CEP85L: variants seen among roughly 807,000 people sequenced by gnomAD.
The protein encoded by CEP85L is centrosomal protein of 85 kDa-like.
CEP85L carries 60 observed loss-of-function variants against 100.3 expected under a neutral mutation model. That is an observed-to-expected ratio of 0.60 (90% CI 0.49 to 0.74). The LOEUF (loss-of-function observed/expected upper bound fraction) is 0.74. CEP85L is among the 30% of genes least tolerant of loss of function. The pLI is 0.00. For synonymous variants in CEP85L, 319 were observed against 322.7 expected, an observed-to-expected ratio of 0.99 and a Z score of 0.12; for missense variants, 973 against 936.2, an observed-to-expected ratio of 1.04 and a Z score of -0.51.
intron 2 of CEP85L, among the ~76,000 whole-genome samples, chr6:118,629,172 T>C (rs144224033): frequency 6.6e-6 from 1 of 152,076 alleles, no homozygotes; most frequent in African/African-American, 2.4e-5. Context: ...TATATGTAAA[T>C]ACTACACTAT....
intron 2 of CEP85L, among the ~76,000 whole-genome samples, chr6:118,596,238 T>TAA (rs1781453175): frequency 6.6e-6 from 1 of 152,142 alleles, no homozygotes; most frequent in Admixed American, 6.5e-5. Flanking sequence ...GGATATGACA[T>TAA]AATCTGATAT....
At chr6:118,695,935 AT>A (rs1174127897) in intron 1 of CEP85L, among the ~76,000 whole-genome samples, 9 of 152,332 alleles carry the variant, frequency 5.9e-5, no homozygotes, top group African/African-American at 2.2e-4. Context: ...TGTAAGAGGT[AT>A]TTAGTATATA....
intron 1 of CEP85L, among the ~76,000 whole-genome samples, chr6:118,688,453 A>C (rs1057489091): frequency 1.3e-5 from 2 of 152,220 alleles, no homozygotes; most frequent in Non-Finnish European, 1.5e-5. Context: ...AATTTGTTAA[A>C]TTAATGCAGA....
chr6:118,493,569 C>G (rs1372193883), intron 5 of CEP85L, among the ~76,000 whole-genome samples: 1 of 151,900 alleles, frequency 6.6e-6, no homozygotes, highest in Non-Finnish European at 1.5e-5. Context: ...AAACAAGGAG[C>G]TGATATAGAG....
chr6:118,651,728 C>G (rs1307970829), upstream of CEP85L: 2 of 984,838 alleles, frequency 2.0e-6, no homozygotes, highest in African/African-American at 3.5e-5. Context: ...GGCGGGTGAG[C>G]TACCCCGACC....
At chr6:118,551,243 G>T (rs1445437264) in intron 3 of CEP85L, among the ~76,000 whole-genome samples, 1 of 151,694 alleles carries the variant, frequency 6.6e-6, no homozygotes. Context: ...ATGAAGCCTG[G>T]ATGTACAGCA....
In CEP85L at chr6:118,566,222, A is replaced by G; in HGVS notation, c.327T>C (p.Ala109=). The change falls in exon 3 of 13, where the codon GCT becomes GCC. Residue 109 remains alanine, a synonymous_variant. Transcript: ENST00000368491. ...ATGATTCCCTAAGTTTGGAAATTGAAGCGCTGGAATTAGACGGCATCACAT... is the reference window on the plus strand; with the variant it reads ...ATGATTCCCTAAGTTTGGAAATTGAGGCGCTGGAATTAGACGGCATCACAT... ...TAHVMPSNSS[A]SISKLRESLT... The G allele has an allele frequency of 1.9e-6, 3 of 1,614,182 alleles. No homozygotes were observed. Among genetic ancestry groups the G allele is most frequent in the Non-Finnish European group, 2.5e-6 (3 of 1,179,998 alleles).
At position 118,613,898 on chromosome 6, in the gene CEP85L, T is replaced by C. The variant is rs377271290; in HGVS notation, c.232+18555A>G. ...TCCCCATTCATTTATAAAGGTATTA[T>C]AGTATTAACCCTGATATCCAGAGAG... On this transcript the variant is annotated intron_variant, in intron 2 of 12. Transcript: ENST00000368491. Among the ~76,000 whole-genome samples the C allele has an allele frequency of 9.9e-5, 15 of 152,178 alleles. No homozygotes were observed. In the East Asian group the frequency reaches 2.3e-3, roughly 23 times the overall value.
At chr6:118,599,777 G>A (rs528368635) in intron 2 of CEP85L, among the ~76,000 whole-genome samples, 1 of 152,202 alleles carries the variant, frequency 6.6e-6, no homozygotes, top group South Asian at 2.1e-4. Flanking sequence ...TAGTATTCTT[G>A]CCAAAAACTT....
intron 2 of CEP85L, among the ~76,000 whole-genome samples, chr6:118,603,414 C>A (rs1052106245): frequency 6.6e-6 from 1 of 152,160 alleles, no homozygotes; most frequent in Non-Finnish European, 1.5e-5. Context: ...AACCAATTTA[C>A]CCAATTGTGT....
intron 1 of CEP85L, among the ~76,000 whole-genome samples, chr6:118,692,233 A>G (rs1777068314): frequency 6.6e-6 from 1 of 152,192 alleles, no homozygotes; most frequent in Non-Finnish European, 1.5e-5. Context: ...GCTATGCAAT[A>G]TATGTTAGAG....
intron 5 of CEP85L, chr6:118,502,409 GGATTCC>G (rs1775364929): frequency 1.9e-6 from 1 of 525,524 alleles, no homozygotes; most frequent in Non-Finnish European, 3.7e-6. Context: ...CAAAAGGAGG[GGATTCC>G]AGGGCCCTAT....
At chr6:118,645,869 C>G (rs892049842) in intron 1 of CEP85L, among the ~76,000 whole-genome samples, 14 of 152,150 alleles carry the variant, frequency 9.2e-5, no homozygotes, top group African/African-American at 3.1e-4. Context: ...AAGCACTATG[C>G]TAGGTAACCA....
intron 2 of CEP85L, among the ~76,000 whole-genome samples, chr6:118,585,059 G>T (rs886879064): frequency 3.9e-5 from 6 of 152,202 alleles, no homozygotes; most frequent in African/African-American, 7.2e-5. Flanking sequence ...ACAGATGGGA[G>T]CTCTTTTGTA....
At chr6:118,648,965 T>C (rs956886167) in intron 1 of CEP85L, among the ~76,000 whole-genome samples, 1 of 152,078 alleles carries the variant, frequency 6.6e-6, no homozygotes, top group Non-Finnish European at 1.5e-5. Flanking sequence ...GCTCAAATTA[T>C]TCAAAAGATA....
intron 10 of CEP85L, among the ~76,000 whole-genome samples, chr6:118,473,783 G>A (rs1773147178): frequency 6.6e-6 from 1 of 152,104 alleles, no homozygotes; most frequent in South Asian, 2.1e-4. Context: ...TACTTTCAAG[G>A]TAGTAGAATT....
intron 3 of CEP85L, among the ~76,000 whole-genome samples, chr6:118,553,066 T>C (rs1778643523): frequency 6.6e-6 from 1 of 152,120 alleles, no homozygotes; most frequent in East Asian, 1.9e-4. Context: ...GTTTAGGCCA[T>C]ATACAAGTTC....
At chr6:118,612,856 T>A (rs1026692516) in intron 2 of CEP85L, among the ~76,000 whole-genome samples, 5 of 152,026 alleles carry the variant, frequency 3.3e-5, no homozygotes, top group Admixed American at 3.3e-4. Flanking sequence ...TGGTTCTTTG[T>A]AGAGATCAGT....
intron 1 of CEP85L, among the ~76,000 whole-genome samples, chr6:118,661,538 G>A (rs1775973722): frequency 1.3e-5 from 2 of 151,754 alleles, no homozygotes; most frequent in South Asian, 4.2e-4. Flanking sequence ...GAATCCTTAA[G>A]GGTTTATTTT....
Sources: gnomAD v4.1 joint callset for allele counts (sites outside exome capture counted in the v4.1 genomes callset) on GRCh38, gnomAD v4.1.1 for gene constraint, MANE v1.5 for transcripts, NCBI Gene and HGNC (gene_info 2026-07-23, HGNC 2026-07-21) for gene names.